Variants in MAGI1 observed in about 807,000 individuals in gnomAD.
MAGI1 encodes membrane associated guanylate kinase, WW and PDZ domain containing 1, also known as membrane-associated guanylate kinase, WW and PDZ domain-containing protein 1.
In MAGI1, 58 loss-of-function variants were observed where a neutral mutation model predicts 139.9. That is an observed-to-expected ratio of 0.41 (90% CI 0.34 to 0.52). MAGI1 has a LOEUF of 0.52. MAGI1 is among the 20% of genes least tolerant of loss of function. MAGI1 has a pLI of 0.12. For synonymous variants in MAGI1, 812 were observed against 737.9 expected, an observed-to-expected ratio of 1.10 and a Z score of -1.63; for missense variants, 1,874 against 1,901.6, an observed-to-expected ratio of 0.99 and a Z score of 0.27.
chr3:66,032,389 T>G (rs1439695120), intron 1 of MAGI1, among the ~76,000 whole-genome samples: 1 of 147,318 alleles, frequency 6.8e-6, no homozygotes, highest in East Asian at 2.0e-4. Flanking sequence ...TTTTTTGTTT[T>G]TTTTTTTTTT....
intron 5 of MAGI1, among the ~76,000 whole-genome samples, chr3:65,464,169 AT>A (rs1205943284): frequency 6.6e-6 from 1 of 151,860 alleles, no homozygotes; most frequent in Non-Finnish European, 1.5e-5. Context: ...AGGTTCTTCA[AT>A]TTTTTTAATC....
chr3:65,460,873 T>A (rs1009678449), intron 5 of MAGI1, among the ~76,000 whole-genome samples: 2 of 152,196 alleles, frequency 1.3e-5, no homozygotes, highest in African/African-American at 4.8e-5. Flanking sequence ...GCAAAGGACA[T>A]GAACTCATTC....
intron 17 of MAGI1, among the ~76,000 whole-genome samples, chr3:65,378,336 A>T (rs991700875): frequency 2.0e-5 from 3 of 152,084 alleles, no homozygotes; most frequent in Non-Finnish European, 4.4e-5. Flanking sequence ...AAATCGAATG[A>T]CTCTTAACTC....
At chr3:65,643,001 C>G (rs1422846717) in intron 1 of MAGI1, among the ~76,000 whole-genome samples, 3 of 152,170 alleles carry the variant, frequency 2.0e-5, no homozygotes, top group Admixed American at 1.3e-4. Context: ...CCAGAGAACA[C>G]GTTTGACAAA....
chr3:65,609,069 T>C (rs980471142), intron 2 of MAGI1, among the ~76,000 whole-genome samples: 1 of 151,988 alleles, frequency 6.6e-6, no homozygotes, highest in Admixed American at 6.6e-5. Context: ...ATCAGAATCG[T>C]GGTTACTTTT....
intron 1 of MAGI1, among the ~76,000 whole-genome samples, chr3:65,732,837 G>C (rs1211503742): frequency 2.0e-5 from 3 of 151,226 alleles, no homozygotes; most frequent in African/African-American, 7.4e-5. Context: ...TTTAAGGTCT[G>C]GCAAAAAAAC....
intron 1 of MAGI1, among the ~76,000 whole-genome samples, chr3:65,926,006 C>T (rs1037010351): frequency 1.3e-5 from 2 of 152,162 alleles, no homozygotes; most frequent in Non-Finnish European, 2.9e-5. Flanking sequence ...CTCACAACTA[C>T]CCTTTGAGGT....
At chr3:65,955,555 T>C (rs1402740085) in intron 1 of MAGI1, among the ~76,000 whole-genome samples, 1 of 152,082 alleles carries the variant, frequency 6.6e-6, no homozygotes, top group African/African-American at 2.4e-5. Context: ...CTATCTATTC[T>C]AAGGCTCAGG....
chr3:65,551,323 C>T (rs1017314707), intron 2 of MAGI1, among the ~76,000 whole-genome samples: 35 of 152,066 alleles, frequency 2.3e-4, no homozygotes, highest in African/African-American at 7.7e-4. Context: ...TTTTTTGAGA[C>T]GGAGTCTCAC....
At chr3:65,688,241 C>T (rs878947631) in intron 1 of MAGI1, 1 of 823,788 alleles carries the variant, frequency 1.2e-6, no homozygotes, top group South Asian at 1.3e-5. Flanking sequence ...GCTACACAGC[C>T]CAGACTCTGG....
At chr3:65,405,847 C>A (rs929037671) in intron 12 of MAGI1, among the ~76,000 whole-genome samples, 1 of 134,918 alleles carries the variant, frequency 7.4e-6, no homozygotes, top group Non-Finnish European at 1.7e-5. Context: ...CCCACCTCAG[C>A]CTCCCAACGT....
intron 2 of MAGI1, among the ~76,000 whole-genome samples, chr3:65,618,286 AG>A (rs773075373): frequency 2.4e-4 from 37 of 152,170 alleles, no homozygotes; most frequent in Admixed American, 8.5e-4. Flanking sequence ...GAATGAGAGA[AG>A]TAGGCATGTT....
At chr3:66,000,731 T>C (rs2066698158) in intron 1 of MAGI1, among the ~76,000 whole-genome samples, 1 of 152,358 alleles carries the variant, frequency 6.6e-6, no homozygotes, top group South Asian at 2.1e-4. Context: ...GGGCAGTTAA[T>C]GGGTGTTTAC....
intron 7 of MAGI1, among the ~76,000 whole-genome samples, chr3:65,446,664 C>A (rs1948696418): frequency 6.6e-6 from 1 of 152,176 alleles, no homozygotes; most frequent in Non-Finnish European, 1.5e-5. Flanking sequence ...TTAAGACACT[C>A]ATTTTGTGTC....
intron 1 of MAGI1, among the ~76,000 whole-genome samples, chr3:65,732,954 C>T (rs909314365): frequency 5.9e-5 from 9 of 152,214 alleles, no homozygotes; most frequent in Admixed American, 3.3e-4. Context: ...GGGGAATCTC[C>T]TGCCCCATTA....
intron 4 of MAGI1, 28 bp from the exon 5 acceptor site, chr3:65,470,512 AGAGAGAGAGAG>A: frequency 7.1e-7 from 1 of 1,407,058 alleles, no homozygotes; most frequent in Non-Finnish European, 9.7e-7. Context: ...GAGGTGAGAG[AGAGAGAGAGAG>A]AAAAAAAAAA....
chr3:65,432,287 T>A (rs187860965), intron 10 of MAGI1, among the ~76,000 whole-genome samples: 1 of 152,116 alleles, frequency 6.6e-6, no homozygotes, highest in Non-Finnish European at 1.5e-5. Flanking sequence ...AGCTTCTCCA[T>A]CTGCCCTGTT....
At chr3:65,359,192 G>A (rs774856088) in intron 22 of MAGI1, 27 of 1,607,136 alleles carry the variant, frequency 1.7e-5, no homozygotes, top group Non-Finnish European at 2.1e-5. Flanking sequence ...CAGTCAGAGA[G>A]AAGGAGAAAG....
intron 1 of MAGI1, among the ~76,000 whole-genome samples, chr3:66,037,795 G>GC (rs1255655040): frequency 3.9e-5 from 6 of 152,144 alleles, no homozygotes; most frequent in Admixed American, 1.3e-4. Flanking sequence ...CGCAAACCCA[G>GC]CCCCCTCTTC....
Sources: gnomAD v4.1 joint callset for allele counts (sites outside exome capture counted in the v4.1 genomes callset) on GRCh38, gnomAD v4.1.1 for gene constraint, MANE v1.5 for transcripts, NCBI Gene and HGNC (gene_info 2026-07-23, HGNC 2026-07-21) for gene names.